The following LYPLAL1 variants were observed in gnomAD, a reference collection of about 807,000 sequenced individuals.
LYPLAL1 encodes lysophospholipase-like protein 1.
Under a neutral mutation model 19.7 loss-of-function variants are expected in LYPLAL1, and 23 were observed. The ratio of observed to expected loss-of-function variants is 1.17; its 90% CI spans 0.84 to 1.65. LYPLAL1 has a LOEUF of 1.65. Ranked by LOEUF, LYPLAL1 falls within the 40% of genes most tolerant of loss-of-function variation. The pLI is 0.00. For synonymous variants in LYPLAL1, 119 were observed against 96.3 expected (o/e 1.24, Z -1.38); for missense variants, 355 against 279.4 (o/e 1.27, Z -1.93).
At chr1:219,307,065 T>A in the LYPLAL1 span, among the ~76,000 whole-genome samples, 1 of 150,542 alleles carries the variant, frequency 6.6e-6, no homozygotes, top group South Asian at 2.1e-4. Context: ...TATAATCATC[T>A]CATCCCTTAT....
chr1:219,190,092 G>A (rs1245302912), intron 2 of LYPLAL1, among the ~76,000 whole-genome samples: 1 of 151,466 alleles, frequency 6.6e-6, no homozygotes, highest in Non-Finnish European at 1.5e-5. Flanking sequence ...GAACAAAATA[G>A]AGCCTTTCTC....
chr1:219,426,799 A>G, the LYPLAL1 span, among the ~76,000 whole-genome samples: 59,128 of 151,998 alleles, frequency 0.39, 11,944 homozygotes, highest in Non-Finnish European at 0.44. Context: ...GGTTTTTGCC[A>G]TGTTGGCCAG....
the LYPLAL1 span, among the ~76,000 whole-genome samples, chr1:219,261,478 G>A: frequency 6.6e-6 from 1 of 152,174 alleles, no homozygotes; most frequent in Non-Finnish European, 1.5e-5. Context: ...TTACTGATAT[G>A]TAATACTAAA....
chr1:219,310,421 A>G, the LYPLAL1 span, among the ~76,000 whole-genome samples: 2 of 152,148 alleles, frequency 1.3e-5, no homozygotes, highest in Non-Finnish European at 2.9e-5. Flanking sequence ...GGGTTTGAAT[A>G]GCTGATTTGA....
In LYPLAL1 at chr1:219,193,195, CT is replaced by C; in HGVS notation, c.306del (p.Asp103IlefsTer2). 2 of 1,610,418 alleles carry C rather than the reference CT, an allele frequency of 1.2e-6. No homozygotes were observed. Among genetic ancestry groups the C allele is most frequent in the South Asian group, 2.2e-5 (2 of 90,930 alleles). ...ATTGATGTCATGTGTCAAGTGCTTACTGATTTGATTGATGAAGAAGTAAAAA... is the reference window on the plus strand; with the variant it reads ...ATTGATGTCATGTGTCAAGTGCTTACGATTTGATTGATGAAGAAGTAAAAA... ...ESIDVMCQVLTDLIDEEVKSG... is the reference protein window; with the variant it reads ...ESIDVMCQVLXDLIDEEVKSG... On this transcript the variant is annotated frameshift_variant, in exon 3 of 5. Transcript: ENST00000366928. LOFTEE classifies it high-confidence loss of function.
chr1:219,430,651 G>A, the LYPLAL1 span, among the ~76,000 whole-genome samples: 1 of 152,164 alleles, frequency 6.6e-6, no homozygotes, highest in African/African-American at 2.4e-5. Flanking sequence ...TGTAGTGATT[G>A]CCCTTGGTTT....
chr1:219,194,966 A>G (rs140491034), intron 3 of LYPLAL1, among the ~76,000 whole-genome samples: 1 of 152,192 alleles, frequency 6.6e-6, no homozygotes, highest in Non-Finnish European at 1.5e-5. Flanking sequence ...ACTAAAAAGT[A>G]CCTGTTGACT....
At chr1:219,232,997 A>G in the LYPLAL1 span, among the ~76,000 whole-genome samples, 1,013 of 152,340 alleles carry the variant, frequency 6.6e-3, 16 homozygotes, top group African/African-American at 0.023. Context: ...AAACAATTAA[A>G]AATAGAATTA....
chr1:219,232,774 A>T, the LYPLAL1 span, among the ~76,000 whole-genome samples: 2 of 152,150 alleles, frequency 1.3e-5, no homozygotes, highest in Admixed American at 6.5e-5. Flanking sequence ...CAGCAAGCAT[A>T]TGAAAAGATA....
intron 3 of LYPLAL1, among the ~76,000 whole-genome samples, chr1:219,204,110 C>T (rs1196932737): frequency 6.6e-6 from 1 of 152,038 alleles, no homozygotes; most frequent in Non-Finnish European, 1.5e-5. Flanking sequence ...TTCATGGATC[C>T]TCACTCTGCA....
chr1:219,258,828 C>G, the LYPLAL1 span, among the ~76,000 whole-genome samples: 1 of 151,950 alleles, frequency 6.6e-6, no homozygotes, highest in East Asian at 1.9e-4. Flanking sequence ...GCAAAGTAAA[C>G]AGATAACCCA....
chr1:219,374,408 G>A, the LYPLAL1 span, among the ~76,000 whole-genome samples: 1 of 152,010 alleles, frequency 6.6e-6, no homozygotes, highest in African/African-American at 2.4e-5. Context: ...TGGTGTCCTT[G>A]AACAGAAAGG....
chr1:219,411,395 C>G, the LYPLAL1 span, among the ~76,000 whole-genome samples: 2 of 152,138 alleles, frequency 1.3e-5, no homozygotes, highest in African/African-American at 4.8e-5. Flanking sequence ...TATCTAGCTG[C>G]TCTGGTGGGG....
chr1:219,296,288 A>G, the LYPLAL1 span, among the ~76,000 whole-genome samples: 25 of 152,254 alleles, frequency 1.6e-4, no homozygotes, highest in South Asian at 5.2e-3. Flanking sequence ...GCTAGGGGAT[A>G]TGTAGGTTTC....
chr1:219,311,896 C>A, the LYPLAL1 span, among the ~76,000 whole-genome samples: 1 of 152,190 alleles, frequency 6.6e-6, no homozygotes. Context: ...CTGCTGCTAA[C>A]CAATAAAAAT....
chr1:219,235,384 T>C, the LYPLAL1 span, among the ~76,000 whole-genome samples: 1 of 152,154 alleles, frequency 6.6e-6, no homozygotes, highest in Non-Finnish European at 1.5e-5. Flanking sequence ...ACCAGACCCC[T>C]CTGAAAGGGA....
chr1:219,388,937 A>G, the LYPLAL1 span, among the ~76,000 whole-genome samples: 38 of 152,196 alleles, frequency 2.5e-4, no homozygotes, highest in Admixed American at 2.5e-3. Context: ...TCTTAATAGG[A>G]TTGTGGACTA....
chr1:219,311,453 A>G, the LYPLAL1 span, among the ~76,000 whole-genome samples: 148 of 151,882 alleles, frequency 9.7e-4, no homozygotes, highest in African/African-American at 3.5e-3. Context: ...CAATATCAGC[A>G]TTATTCCCCC....
the LYPLAL1 span, among the ~76,000 whole-genome samples, chr1:219,417,852 T>C: frequency 6.6e-6 from 1 of 152,368 alleles, no homozygotes; most frequent in South Asian, 2.1e-4. Flanking sequence ...TTGCCCTGCA[T>C]CCAGGCTACT....
Sources: gnomAD v4.1 joint callset for allele counts (sites outside exome capture counted in the v4.1 genomes callset) on GRCh38, gnomAD v4.1.1 for gene constraint, MANE v1.5 for transcripts, NCBI Gene and HGNC (gene_info 2026-07-23, HGNC 2026-07-21) for gene names.